Variants in LYPD6B observed in about 807,000 individuals in gnomAD.
LYPD6B encodes the protein ly6/PLAUR domain-containing protein 6B.
Under a neutral mutation model 22.8 loss-of-function variants are expected in LYPD6B, and 17 were observed. The ratio of observed to expected loss-of-function variants is 0.75; its 90% CI spans 0.51 to 1.12. LYPD6B has a LOEUF of 1.12. Ranked by LOEUF, LYPD6B falls within the 50% of genes most tolerant of loss-of-function variation. The pLI, the probability that LYPD6B is intolerant of heterozygous loss-of-function variation, is 0.00. For synonymous variants in LYPD6B, 106 were observed against 91.6 expected (o/e 1.16, Z -0.90); for missense variants, 221 against 258.3 (o/e 0.86, Z 0.99).
chr2:149,080,945 A>G (rs1371770820), intron 1 of LYPD6B, among the ~76,000 whole-genome samples: 1 of 151,950 alleles, frequency 6.6e-6, no homozygotes, highest in Non-Finnish European at 1.5e-5. Context: ...TCCTGTTTAT[A>G]AAGAGTAGAT....
chr2:149,169,507 G>T (rs1455277522), intron 3 of LYPD6B, among the ~76,000 whole-genome samples: 1 of 152,148 alleles, frequency 6.6e-6, no homozygotes, highest in Non-Finnish European at 1.5e-5. Flanking sequence ...TGTTTGGCTT[G>T]TTTCAAAAAG....
intron 6 of LYPD6B, 93 bp from the exon 7 acceptor site, chr2:149,214,453 A>G (rs1201011314): frequency 2.3e-6 from 3 of 1,321,796 alleles, no homozygotes; most frequent in African/African-American, 1.4e-5. Context: ...GTCTTCAGAT[A>G]GAGCTCAAGA....
rs148447000 is a variant in LYPD6B at position 149,142,762 on chromosome 2, G to A, written c.5+11809G>A. ...CAAGTGATCCTTCCATCTTAGCCCC[G>A]TGAGCAGCTGGGACTACAAGTGCAT... On this transcript the variant is annotated intron_variant, in intron 2 of 6. Transcript: ENST00000409642. Among the ~76,000 whole-genome samples, 19 of 152,116 alleles carry A rather than the reference G, an allele frequency of 1.2e-4. No homozygotes were observed. In the East Asian group the frequency reaches 2.3e-3, roughly 19 times the overall value.
intron 1 of LYPD6B, among the ~76,000 whole-genome samples, chr2:149,079,002 T>C (rs1009274086): frequency 1.9e-4 from 28 of 147,314 alleles, no homozygotes; most frequent in Non-Finnish European, 4.1e-4. Context: ...AGTGAGATCC[T>C]GTCTTTTTTT....
At chr2:149,066,057 G>A (rs182376755) in intron 1 of LYPD6B, among the ~76,000 whole-genome samples, 3 of 152,166 alleles carry the variant, frequency 2.0e-5, no homozygotes, top group East Asian at 1.9e-4. Flanking sequence ...TTCATGGGCT[G>A]TAGTTCAGTG....
chr2:149,041,115 A>AG (rs1228012137), intron 1 of LYPD6B, among the ~76,000 whole-genome samples: 4 of 148,492 alleles, frequency 2.7e-5, no homozygotes, highest in Admixed American at 6.7e-5. Flanking sequence ...AAAAAAAAAA[A>AG]AAAGAAAATG....
intron 4 of LYPD6B, 103 bp from the exon 5 acceptor site, chr2:149,208,211 A>T (rs892700500): frequency 2.2e-5 from 16 of 731,992 alleles, no homozygotes; most frequent in Non-Finnish European, 3.9e-5. Context: ...AAAGCTTATA[A>T]GTTTTGTTTC....
intron 3 of LYPD6B, among the ~76,000 whole-genome samples, chr2:149,182,461 A>G (rs1159895389): frequency 6.6e-6 from 1 of 152,244 alleles, no homozygotes; most frequent in Non-Finnish European, 1.5e-5. Flanking sequence ...TCATCAGATA[A>G]ATACTTGAAG....
chr2:149,214,039 C>G (rs1036595214), intron 6 of LYPD6B, among the ~76,000 whole-genome samples: 4 of 152,138 alleles, frequency 2.6e-5, no homozygotes, highest in African/African-American at 7.2e-5. Context: ...TAGGGACAAG[C>G]CTTTATTTTT....
chr2:149,169,503 G>C (rs1298506038), intron 3 of LYPD6B, among the ~76,000 whole-genome samples: 1 of 152,112 alleles, frequency 6.6e-6, no homozygotes, highest in East Asian at 1.9e-4. Context: ...TATGTGTTTG[G>C]CTTGTTTCAA....
At chr2:149,168,438 C>A (rs1257814034) in intron 3 of LYPD6B, among the ~76,000 whole-genome samples, 1 of 152,060 alleles carries the variant, frequency 6.6e-6, no homozygotes, top group Non-Finnish European at 1.5e-5. Flanking sequence ...CATCACATTC[C>A]AAATTTAACT....
chr2:149,070,905 T>C (rs952141545), intron 1 of LYPD6B, among the ~76,000 whole-genome samples: 1 of 152,232 alleles, frequency 6.6e-6, no homozygotes, highest in Non-Finnish European at 1.5e-5. Context: ...GATTGATTTC[T>C]GGAAGGGAAA....
chr2:149,062,451 A>G (rs540450326), intron 1 of LYPD6B, among the ~76,000 whole-genome samples: 29 of 152,316 alleles, frequency 1.9e-4, no homozygotes, highest in African/African-American at 6.7e-4. Context: ...AAAAGCAGAG[A>G]TTACAAAGTT....
intron 1 of LYPD6B, among the ~76,000 whole-genome samples, chr2:149,080,871 C>CA (rs36125590): frequency 0.33 from 35,359 of 108,784 alleles, 7,348 homozygotes; most frequent in South Asian, 0.44. Flanking sequence ...AAAAAAACCA[C>CA]ACAAAAAAAT....
intron 1 of LYPD6B, among the ~76,000 whole-genome samples, chr2:149,059,333 G>A (rs539985561): frequency 1.3e-5 from 2 of 152,268 alleles, no homozygotes; most frequent in Admixed American, 1.3e-4. Flanking sequence ...GGACTTTTGC[G>A]TTGCCAGGAA....
At chr2:149,150,864 T>C (rs895305904) in intron 2 of LYPD6B, among the ~76,000 whole-genome samples, 1 of 152,090 alleles carries the variant, frequency 6.6e-6, no homozygotes, top group African/African-American at 2.4e-5. Context: ...ATTTCTACTT[T>C]CTGAAAGATT....
Position 149,113,239 on chromosome 2 carries a change from T to C in LYPD6B, c.-66-17644T>C, listed in dbSNP as rs74649774. The stretch of plus-strand genomic sequence containing the variant: ...TCTATTGTCTTTGTGTCATTATTTA[T>C]AGAGTTCCCTTTCACTTTCAGAGGT... On this transcript the variant is annotated intron_variant, in intron 1 of 6. Coordinates refer to ENST00000409642, the MANE Select transcript of LYPD6B (RefSeq NM_177964.5). 2.4e-3 allele frequency among the ~76,000 whole-genome samples: 361 copies of C among 152,348 alleles called. 2 individuals carry two copies. Among genetic ancestry groups the C allele is most frequent in the African/African-American group, 7.6e-3 (316 of 41,590 alleles).
intron 2 of LYPD6B, among the ~76,000 whole-genome samples, chr2:149,135,135 C>T (rs1294062660): frequency 6.9e-6 from 1 of 145,266 alleles, no homozygotes; most frequent in African/African-American, 2.5e-5. Context: ...ATCCTAGCTA[C>T]TTAGGAGGCT....
At chr2:149,100,416 C>CAAAAAAAAA (rs58068035) in intron 1 of LYPD6B, among the ~76,000 whole-genome samples, 2 of 67,964 alleles carry the variant, frequency 2.9e-5, no homozygotes, top group African/African-American at 5.6e-5. Context: ...TTGGCTTTGA[C>CAAAAAAAAA]AAAAAAAAAA....
Sources: allele counts gnomAD v4.1 joint callset (sites outside exome capture counted in the v4.1 genomes callset), GRCh38; gene constraint gnomAD v4.1.1; transcripts MANE v1.5; gene names NCBI Gene and HGNC (gene_info 2026-07-23, HGNC 2026-07-21).